GNA12: variants seen among roughly 807,000 people sequenced by gnomAD.
GNA12 encodes the protein guanine nucleotide-binding protein subunit alpha-12.
A neutral mutation model predicts 26.0 loss-of-function variants in GNA12; 9 were observed. The observed-to-expected ratio is 0.35, with a 90% CI of 0.21 to 0.60. GNA12 has a LOEUF of 0.60. Among genes scored for constraint, GNA12 ranks in the 20% least tolerant of loss-of-function variants. The pLI, the probability that GNA12 is intolerant of heterozygous loss-of-function variation, is 0.78. For missense variants in GNA12, 405 were observed against 525.8 expected (o/e 0.77, Z 2.25); for synonymous variants, 264 against 219.6 (o/e 1.20, Z -1.79).
At chr7:2,829,156 G>C (rs953461282) in intron 1 of GNA12, among the ~76,000 whole-genome samples, 1 of 152,084 alleles carries the variant, frequency 6.6e-6, no homozygotes, top group Admixed American at 6.5e-5. Flanking sequence ...TGAGAGCAGA[G>C]ACCAGCTATT....
At chr7:2,793,053 C>T (rs956757260) in intron 2 of GNA12, among the ~76,000 whole-genome samples, 42 of 152,208 alleles carry the variant, frequency 2.8e-4, no homozygotes, top group African/African-American at 9.6e-4. Context: ...CTCAACGGCA[C>T]GCCTGCGGTT....
chr7:2,757,758 CTTCCCTGCACA>C (rs1791371986), intron 2 of GNA12, among the ~76,000 whole-genome samples: 1 of 152,230 alleles, frequency 6.6e-6, no homozygotes, highest in Non-Finnish European at 1.5e-5. Context: ...AAAATGTCAT[CTTCCCTGCACA>C]TTCTCAGCCC....
rs959234246 is a variant in GNA12 at position 2,750,650 on chromosome 7, T to C, written c.526-17149A>G. On this transcript the variant is annotated intron_variant, in intron 2 of 3. Transcript: ENST00000275364. ...GTATTCATCCCCTTTTGGACCACGG[T>C]TGACTGCGGGTAACTGAAACCATGG... Among the ~76,000 whole-genome samples, 6 of 152,240 alleles carry C rather than the reference T, an allele frequency of 3.9e-5. No homozygotes were observed. The South Asian group carries it at 1.2e-3, about 32-fold the overall frequency.
intron 1 of GNA12, among the ~76,000 whole-genome samples, chr7:2,837,510 A>G (rs1778872157): frequency 6.6e-6 from 1 of 152,234 alleles, no homozygotes; most frequent in African/African-American, 2.4e-5. Context: ...CAAATATAAT[A>G]AATGGGATGA....
rs779305266 is a variant in GNA12 at position 2,728,263 on chromosome 7, C to CA, written c.*2917_*2918insT. The CA allele has an allele frequency of 5.3e-5, 8 of 152,346 alleles. No homozygotes were observed. The highest frequency in any genetic ancestry group is 1.2e-4 in the Non-Finnish European group (8 of 68,036). The allele number at this position is 152,346 out of a possible 1,614,324, so 9.4% of individuals were successfully genotyped here. Reference sequence around the variant, plus strand: ...ACCACTACCATTCCAATGGGAGCCTCTGCCTTACAATACCAGGTTAGATGT... The same window carrying CA: ...ACCACTACCATTCCAATGGGAGCCTCATGCCTTACAATACCAGGTTAGATGT... On this transcript the variant is annotated 3_prime_UTR_variant, in exon 4 of 4. Transcript: ENST00000275364.
intron 2 of GNA12, among the ~76,000 whole-genome samples, chr7:2,757,290 A>T (rs1583245998): frequency 6.6e-6 from 1 of 151,496 alleles, no homozygotes; most frequent in South Asian, 2.1e-4. Flanking sequence ...GCCCGCCACC[A>T]TGCCCGGCTA....
At chr7:2,763,826 A>G (rs1048291261) in intron 2 of GNA12, among the ~76,000 whole-genome samples, 50 of 152,202 alleles carry the variant, frequency 3.3e-4, no homozygotes, top group African/African-American at 1.2e-3. Context: ...GGACCTCTGC[A>G]CTGAGATCCC....
At chr7:2,820,299 C>T (rs1267229204) in intron 1 of GNA12, among the ~76,000 whole-genome samples, 1 of 151,780 alleles carries the variant, frequency 6.6e-6, no homozygotes, top group Non-Finnish European at 1.5e-5. Flanking sequence ...TAAAAATTGA[C>T]TGTGGTGATG....
At chr7:2,791,450 C>T (rs1023421987) in intron 2 of GNA12, among the ~76,000 whole-genome samples, 8 of 152,074 alleles carry the variant, frequency 5.3e-5, no homozygotes, top group African/African-American at 1.4e-4. Flanking sequence ...GAGAAAGGGT[C>T]GTCACAAGGT....
chr7:2,823,384 A>G (rs1348882463), intron 1 of GNA12, among the ~76,000 whole-genome samples: 3 of 152,356 alleles, frequency 2.0e-5, no homozygotes, highest in East Asian at 3.9e-4. Flanking sequence ...CGCAGCCCCA[A>G]TTCAGGACTT....
At chr7:2,797,303 C>T (rs1400027029) in intron 1 of GNA12, among the ~76,000 whole-genome samples, 1 of 152,124 alleles carries the variant, frequency 6.6e-6, no homozygotes, top group African/African-American at 2.4e-5. Context: ...CCTCGTTACG[C>T]CCGGCTAATT....
chr7:2,808,529 G>A lies in GNA12; in HGVS notation c.310-13386C>T, dbSNP rs116900316. Among the ~76,000 whole-genome samples the A allele has an allele frequency of 2.0e-3, 300 of 152,284 alleles. 5 individuals carry two copies. The East Asian group carries it at 0.046, about 23-fold the overall frequency. On this transcript the variant is annotated intron_variant, in intron 1 of 3. Transcript: ENST00000275364. ...TTGGATGGGATGGAGAGGGACCTGG[G>A]CCGCACAGGAGGACCTCACTCCCCA...
chr7:2,794,182 T>C (rs1262395817), intron 2 of GNA12, among the ~76,000 whole-genome samples: 1 of 152,276 alleles, frequency 6.6e-6, no homozygotes, highest in Non-Finnish European at 1.5e-5. Flanking sequence ...ATGGGTATTA[T>C]GGCAAAATCA....
intron 2 of GNA12, among the ~76,000 whole-genome samples, chr7:2,749,125 T>C (rs1349372774): frequency 6.6e-6 from 1 of 152,094 alleles, no homozygotes; most frequent in African/African-American, 2.4e-5. Context: ...GATCTAGAAC[T>C]AGAAATACCA....
rs1250695049 is a variant in GNA12, at chr7:2,744,574, CAG to C, written c.526-11075_526-11074del. Among the ~76,000 whole-genome samples the C allele has an allele frequency of 5.9e-5, 9 of 152,282 alleles. No homozygotes were observed. In the South Asian group the frequency reaches 8.3e-4, roughly 14 times the overall value. ...AAAGACCACAAAGATGGGGAAAAAA[CAG>C]AGCAGAAAAACTGGAAACTCTAAAA... is the stretch of plus-strand genomic sequence containing the variant. On this transcript the variant is annotated intron_variant, in intron 2 of 3. Transcript: ENST00000275364.
chr7:2,798,569 C>G (rs1416038595), intron 1 of GNA12, among the ~76,000 whole-genome samples: 2 of 152,158 alleles, frequency 1.3e-5, no homozygotes, highest in Non-Finnish European at 2.9e-5. Flanking sequence ...GAAGATTCAA[C>G]ACGGTACCAA....
intron 2 of GNA12, among the ~76,000 whole-genome samples, chr7:2,737,292 T>TTG (rs1282367901): frequency 2.6e-5 from 3 of 114,706 alleles, no homozygotes; most frequent in Non-Finnish European, 3.7e-5. Flanking sequence ...TTTTTTTGTT[T>TTG]TTTTTTTTTT....
intron 2 of GNA12, among the ~76,000 whole-genome samples, chr7:2,755,261 A>G (rs1175656512): frequency 6.6e-6 from 1 of 152,156 alleles, no homozygotes; most frequent in African/African-American, 2.4e-5. Context: ...TTCCGCATAC[A>G]TTTTACAATA....
rs191010887 is a variant in GNA12 at position 2,751,164 on chromosome 7, G to C, written c.526-17663C>G. Among the ~76,000 whole-genome samples, 105 of 152,168 alleles carry C rather than the reference G, an allele frequency of 6.9e-4. 1 individual carries two copies. Among genetic ancestry groups the C allele is most frequent in the Non-Finnish European group, 1.2e-3 (82 of 67,992 alleles). The stretch of plus-strand genomic sequence containing the variant: ...GCACTTTAGGAGGCTGAGGCAGGTG[G>C]ACTGGTTGAGGTCAGGAGTTCAAGA... On this transcript the variant is annotated intron_variant, in intron 2 of 3. Coordinates refer to ENST00000275364, the MANE Select transcript of GNA12 (RefSeq NM_007353.3).
Sources: allele counts gnomAD v4.1 joint callset (sites outside exome capture counted in the v4.1 genomes callset), GRCh38; gene constraint gnomAD v4.1.1; transcripts MANE v1.5; gene names NCBI Gene and HGNC (gene_info 2026-07-23, HGNC 2026-07-21).